FLI1: variants seen among roughly 807,000 people sequenced by gnomAD.
The protein encoded by FLI1 is Fli-1 proto-oncogene, ETS transcription factor.
A neutral mutation model predicts 53.1 loss-of-function variants in FLI1; 13 were observed. The observed-to-expected ratio is 0.24, with a 90% confidence interval of 0.16 to 0.39. The LOEUF (loss-of-function observed/expected upper bound fraction) is 0.39, where lower values mean the gene tolerates loss of function less well. Among genes scored for constraint, FLI1 ranks in the 10% least tolerant of loss-of-function variants. FLI1 has a pLI of 1.00. For missense variants in FLI1, 424 were observed against 600.5 expected (o/e 0.71, Z 3.07); for synonymous variants, 244 against 236.7 (o/e 1.03, Z -0.28).
intron 1 of FLI1, among the ~76,000 whole-genome samples, chr11:128,745,320 C>A (rs1169457517): frequency 6.6e-6 from 1 of 152,070 alleles, no homozygotes; most frequent in Non-Finnish European, 1.5e-5. Flanking sequence ...ACAGGAACTG[C>A]GCAGAGACGG....
chr11:128,770,470 A>G (rs1941511262), intron 3 of FLI1, among the ~76,000 whole-genome samples: 1 of 152,230 alleles, frequency 6.6e-6, no homozygotes, highest in African/African-American at 2.4e-5. Context: ...AGACAAGTAT[A>G]AATGTGGGCC....
chr11:128,751,423 C>T (rs183758623), intron 1 of FLI1, among the ~76,000 whole-genome samples: 24 of 151,592 alleles, frequency 1.6e-4, no homozygotes, highest in Non-Finnish European at 2.9e-4. Context: ...GATCATGGCT[C>T]ACTGCAGCCT....
intron 1 of FLI1, among the ~76,000 whole-genome samples, chr11:128,752,590 G>A (rs1249220606): frequency 6.6e-6 from 1 of 152,212 alleles, no homozygotes; most frequent in Non-Finnish European, 1.5e-5. Context: ...AACCTGTGAA[G>A]AGTAGTGGTT....
intron 1 of FLI1, among the ~76,000 whole-genome samples, chr11:128,705,542 CAT>C (rs1487483994): frequency 6.6e-6 from 1 of 152,008 alleles, no homozygotes; most frequent in Non-Finnish European, 1.5e-5. Flanking sequence ...TTTTAAAAAA[CAT>C]AACAGATTCA....
At chr11:128,712,559 C>T (rs1938827356) in intron 1 of FLI1, among the ~76,000 whole-genome samples, 1 of 152,140 alleles carries the variant, frequency 6.6e-6, no homozygotes, top group Admixed American at 6.5e-5. Context: ...TTCCACATGG[C>T]TAGGGAGGCT....
chr11:128,773,087 C>A, intron 4 of FLI1, 102 bp downstream of exon 4: 1 of 1,073,036 alleles, frequency 9.3e-7, no homozygotes, highest in East Asian at 2.4e-5. Context: ...CAGATGCCGC[C>A]GGAGCAGCAT....
intron 1 of FLI1, among the ~76,000 whole-genome samples, chr11:128,699,949 G>C (rs1039788204): frequency 1.3e-5 from 2 of 152,128 alleles, no homozygotes; most frequent in Non-Finnish European, 2.9e-5. Context: ...TGTTAGGCAG[G>C]GACTAAACTA....
At position 128,781,029 on chromosome 11, in the gene FLI1, AAT is replaced by A. The variant is rs112534997; in HGVS notation, c.590-928_590-927del. On this transcript the variant is annotated intron_variant, in intron 4 of 8. Transcript: ENST00000527786. ...AGTCTAGTTTTAGGAAAGAAGGGAG[AAT>A]GTGTTTTACATGTAACAACAAATTG... 9.9e-3 allele frequency among the ~76,000 whole-genome samples: 1,514 copies of A among 152,328 alleles called. 26 individuals are homozygous for A. Among genetic ancestry groups the A allele is most frequent in the African/African-American group, 0.034 (1,419 of 41,562 alleles).
At position 128,758,201 on chromosome 11, in the gene FLI1, T is replaced by C. The variant is rs1412645415; in HGVS notation, c.105T>C (p.Thr35=). 1 of 1,613,250 alleles carries C rather than the reference T, an allele frequency of 6.2e-7. No homozygotes were observed. The highest frequency in any genetic ancestry group is 8.5e-7 in the Non-Finnish European group (1 of 1,179,648). Residue 35 remains threonine (T), a synonymous_variant, in exon 2 of 9, where the codon ACT becomes ACC. Transcript: ENST00000527786. ...CCCATCTCCCCAAGGCCGACATGACTGCCTCGGGGAGTCCTGACTACGGGC... is the reference window on the plus strand; with the variant it reads ...CCCATCTCCCCAAGGCCGACATGACCGCCTCGGGGAGTCCTGACTACGGGC... ...AAAHLPKADM[T]ASGSPDYGQP...
intron 1 of FLI1, among the ~76,000 whole-genome samples, chr11:128,713,710 G>A (rs1032358083): frequency 6.6e-6 from 1 of 152,100 alleles, no homozygotes; most frequent in African/African-American, 2.4e-5. Context: ...CACAACGTGG[G>A]GACCTAACCT....
At position 128,750,635 on chromosome 11, in the gene FLI1, G is replaced by C. The variant is rs567173102; in HGVS notation, c.19-7480G>C. ...GGCTTTTCCATCTCGGCCTTAGCTAGACTGTTTGAAGATGCAATGGTTTGC... is the reference window on the plus strand; with the variant it reads ...GGCTTTTCCATCTCGGCCTTAGCTACACTGTTTGAAGATGCAATGGTTTGC... On this transcript the variant is annotated intron_variant, in intron 1 of 8. Coordinates refer to ENST00000527786, the MANE Select transcript of FLI1 (RefSeq NM_002017.5). Among the ~76,000 whole-genome samples, 4 of 152,280 alleles carry C rather than the reference G, an allele frequency of 2.6e-5. No homozygotes were observed. The East Asian group carries it at 7.7e-4, about 29-fold the overall frequency.
At chr11:128,762,038 A>G (rs557592721) in intron 2 of FLI1, among the ~76,000 whole-genome samples, 2 of 152,312 alleles carry the variant, frequency 1.3e-5, no homozygotes, top group East Asian at 1.9e-4. Flanking sequence ...AAGGGCTCAC[A>G]TGTAAGCTGG....
At position 128,796,414 on chromosome 11, in the gene FLI1, A is replaced by G. The variant is rs575771369; in HGVS notation, c.656-8952A>G. On this transcript the variant is annotated intron_variant, in intron 5 of 8. Transcript: ENST00000527786. ...GCTATGAGTCATAATTTCAATTTCTATTAAAATTCTTACATGGCCACATAT... is the reference window on the plus strand; with the variant it reads ...GCTATGAGTCATAATTTCAATTTCTGTTAAAATTCTTACATGGCCACATAT... Among the ~76,000 whole-genome samples the G allele has an allele frequency of 1.6e-4, 24 of 152,332 alleles. No individual in the cohort carries two copies. In the South Asian group the frequency reaches 4.4e-3, roughly 28 times the overall value.
At chr11:128,690,370 C>A (rs943171665), upstream of FLI1, among the ~76,000 whole-genome samples, 3 of 152,228 alleles carry the variant, frequency 2.0e-5, no homozygotes, top group Non-Finnish European at 2.9e-5. Flanking sequence ...GGCCTGGCAT[C>A]CTGCGGAGTT....
At chr11:128,748,774 G>T (rs1015936006) in intron 1 of FLI1, among the ~76,000 whole-genome samples, 1 of 152,180 alleles carries the variant, frequency 6.6e-6, no homozygotes, top group East Asian at 1.9e-4. Flanking sequence ...TTTGCAGTCA[G>T]GCCAGCAGCA....
At position 128,801,956 on chromosome 11, in the gene FLI1, A is replaced by G. The variant is rs982645677; in HGVS notation, c.656-3410A>G. On this transcript the variant is annotated intron_variant, in intron 5 of 8. Coordinates refer to ENST00000527786, the MANE Select transcript of FLI1 (RefSeq NM_002017.5). ...ATGTGATAAGTGAAAATGGAAGAGC[A>G]GAGGAAGGAGGATGAGGGAGTTGCG... Among the ~76,000 whole-genome samples, 52 of 152,310 alleles carry G rather than the reference A, an allele frequency of 3.4e-4. 1 individual carries two copies. The highest frequency in any genetic ancestry group is 1.0e-4 in the Non-Finnish European group (7 of 68,016).
At chr11:128,769,363 G>A (rs554615109) in intron 3 of FLI1, among the ~76,000 whole-genome samples, 1 of 152,340 alleles carries the variant, frequency 6.6e-6, no homozygotes, top group South Asian at 2.1e-4. Flanking sequence ...TTACCAGAGA[G>A]GCAAAACTCC....
chr11:128,710,022 TC>T (rs1197991995), intron 1 of FLI1, among the ~76,000 whole-genome samples: 1 of 152,246 alleles, frequency 6.6e-6, no homozygotes, highest in African/African-American at 2.4e-5. Context: ...AAGATGATCC[TC>T]TTTTAGTGTT....
intron 1 of FLI1, among the ~76,000 whole-genome samples, chr11:128,687,503 G>C (rs1452020938): frequency 6.6e-6 from 1 of 152,078 alleles, no homozygotes; most frequent in African/African-American, 2.4e-5. Flanking sequence ...TCCGAGAGCG[G>C]AGGAGGAAGG....
Sources: gnomAD v4.1 joint callset for allele counts (sites outside exome capture counted in the v4.1 genomes callset) on GRCh38, gnomAD v4.1.1 for gene constraint, MANE v1.5 for transcripts, NCBI Gene and HGNC (gene_info 2026-07-23, HGNC 2026-07-21) for gene names.